PRDM1: variants seen among roughly 807,000 people sequenced by gnomAD.
PRDM1 encodes the protein PR/SET domain 1.
Under a neutral mutation model 62.8 loss-of-function variants are expected in PRDM1, and 13 were observed. The ratio of observed to expected loss-of-function variants is 0.21; its 90% CI spans 0.13 to 0.33. PRDM1 has a LOEUF of 0.33. Ranked by LOEUF, PRDM1 falls within the 10% of genes least tolerant of loss-of-function variation. The probability of loss-of-function intolerance (pLI) is 1.00; values close to 1 mark genes in which losing one functional copy is unlikely to be tolerated. For synonymous variants in PRDM1, 396 were observed against 417.6 expected (o/e 0.95, Z 0.63); for missense variants, 895 against 1,058.8 (o/e 0.85, Z 2.15).
At chr6:106,104,777 C>T (rs759900853) in intron 4 of PRDM1, 48 bp from the exon 5 acceptor site, 1 of 1,539,900 alleles carries the variant, frequency 6.5e-7, no homozygotes, top group East Asian at 2.3e-5. Flanking sequence ...AGTTTTGCTT[C>T]AGTTCTCTCT....
intron 1 of PRDM1, among the ~76,000 whole-genome samples, chr6:106,003,148 C>G (rs62421074): frequency 0.077 from 11,729 of 152,160 alleles, 498 homozygotes; most frequent in African/African-American, 0.12. Flanking sequence ...ATTCACTCAT[C>G]ATACATAAGC....
intron 1 of PRDM1, among the ~76,000 whole-genome samples, chr6:106,052,862 G>A (rs1773201108): frequency 1.3e-5 from 2 of 152,106 alleles, no homozygotes; most frequent in South Asian, 2.1e-4. Flanking sequence ...TAATTACTCA[G>A]GAGGCTGAGG....
chr6:106,035,800 G>T (rs1772918274), intron 1 of PRDM1, among the ~76,000 whole-genome samples: 2 of 151,902 alleles, frequency 1.3e-5, no homozygotes, highest in African/African-American at 2.4e-5. Context: ...TGGGTCATGG[G>T]TCATGTTTTC....
chr6:106,089,855 T>C (rs973833470), intron 2 of PRDM1, among the ~76,000 whole-genome samples: 1 of 152,202 alleles, frequency 6.6e-6, no homozygotes, highest in Non-Finnish European at 1.5e-5. Flanking sequence ...TGACCAAATA[T>C]TCGTCTGTTC....
chr6:106,106,892 T>A lies in PRDM1; in HGVS notation c.1903-19T>A. 6.3e-7 allele frequency: 1 copy of A among 1,592,454 alleles called. No homozygotes were observed. Among genetic ancestry groups the A allele is most frequent in the Non-Finnish European group, 8.6e-7 (1 of 1,164,818 alleles). On this transcript the variant is annotated intron_variant, in intron 6 of 6. Transcript: ENST00000369096. This position sits in a 1 kb window ranked among gnomAD's most constrained non-coding sequence, Gnocchi z 4.4. ...CTTCCTGTCTCCCTTCCCTGCTGTC[T>A]CTCTCCCCTACACTGTAGGTCTGCC...
chr6:106,059,239 G>A (rs1773310019), intron 1 of PRDM1, among the ~76,000 whole-genome samples: 1 of 152,166 alleles, frequency 6.6e-6, no homozygotes, highest in African/African-American at 2.4e-5. Flanking sequence ...AAATAAAACA[G>A]TGTAAGGGAA....
chr6:106,095,686 C>T lies in PRDM1; in HGVS notation c.363C>T (p.Tyr121=), dbSNP rs2114631023. 1 of 1,614,010 alleles carries T rather than the reference C, an allele frequency of 6.2e-7. No homozygotes were observed. The change falls in exon 3 of 7, where the codon TAC becomes TAT. Residue 121 remains tyrosine (Y), a synonymous_variant. Coordinates refer to ENST00000369096, the MANE Select transcript of PRDM1 (RefSeq NM_001198.4). ...TRFGPLIGEI[Y]TNDTVPKNAN... Reference sequence around the variant, plus strand: ...TTGGACCCCTAATAGGTGAAATCTACACCAATGACACAGTTCCTAAGAACG... The same window carrying T: ...TTGGACCCCTAATAGGTGAAATCTATACCAATGACACAGTTCCTAAGAACG...
intron 1 of PRDM1, among the ~76,000 whole-genome samples, chr6:106,017,058 G>T (rs532046081): frequency 2.7e-4 from 41 of 152,280 alleles, no homozygotes; most frequent in African/African-American, 9.6e-4. Flanking sequence ...AAAAAATTAA[G>T]AAAAATGCAT....
intron 1 of PRDM1, among the ~76,000 whole-genome samples, chr6:106,054,184 A>G (rs567833708): frequency 2.7e-4 from 41 of 152,280 alleles, no homozygotes; most frequent in African/African-American, 7.5e-4. Context: ...AAACAAGATC[A>G]TCTCAACATT....
intron 4 of PRDM1, 178 bp downstream of exon 4, chr6:106,099,730 A>G: frequency 1.3e-6 from 1 of 758,304 alleles, no homozygotes; most frequent in Non-Finnish European, 2.1e-6. Flanking sequence ...ACTATTAGGA[A>G]ACTTGATCAT....
intron 1 of PRDM1, among the ~76,000 whole-genome samples, chr6:106,078,991 TACTCTGTCGCC>T (rs1453104247): frequency 6.6e-6 from 1 of 151,892 alleles, no homozygotes; most frequent in Non-Finnish European, 1.5e-5. Context: ...GACAGAGTCT[TACTCTGTCGCC>T]CAGGCTGGAG....
At chr6:106,089,706 C>A (rs547932660) in intron 2 of PRDM1, among the ~76,000 whole-genome samples, 2 of 152,304 alleles carry the variant, frequency 1.3e-5, no homozygotes, top group Admixed American at 1.3e-4. Flanking sequence ...CTTAATTATA[C>A]CTCTTCCTGA....
chr6:106,106,869 TC>T lies in PRDM1; in HGVS notation c.1903-40del. 1 of 1,556,276 alleles carries T rather than the reference TC, an allele frequency of 6.4e-7. No individual in the cohort carries two copies. Among genetic ancestry groups the T allele is most frequent in the African/African-American group, 1.4e-5 (1 of 73,614 alleles). The stretch of plus-strand genomic sequence containing the variant: ...TTGGCAACTCTTAATCTTCTGGCCT[TC>T]CTGTCTCCCTTCCCTGCTGTCTCTC... On this transcript the variant is annotated intron_variant, in intron 6 of 6. Transcript: ENST00000369096. The surrounding 1 kb of genome is among the most constrained non-coding windows in gnomAD (Gnocchi z 4.4).
intron 1 of PRDM1, among the ~76,000 whole-genome samples, chr6:106,030,048 T>C (rs1471574857): frequency 6.6e-6 from 1 of 152,178 alleles, no homozygotes; most frequent in African/African-American, 2.4e-5. Context: ...AGAAAATTGG[T>C]TTATGTTTTC....
chr6:106,047,074 C>T (rs901554244), upstream of PRDM1, among the ~76,000 whole-genome samples: 9 of 152,162 alleles, frequency 5.9e-5, no homozygotes, highest in Middle Eastern at 3.2e-3. Flanking sequence ...TATGATCTTT[C>T]CTTGCTTCTT....
At chr6:106,047,958 G>T (rs1195125420), upstream of PRDM1, among the ~76,000 whole-genome samples, 3 of 152,144 alleles carry the variant, frequency 2.0e-5, no homozygotes, top group Admixed American at 1.3e-4. Flanking sequence ...TGCATATTTG[G>T]CAGTTCTTAA....
Position 106,105,562 on chromosome 6 carries a change from A to C in PRDM1, c.1402A>C (p.Ser468Arg), listed in dbSNP as rs534652948. The change falls in exon 5 of 7, where the codon AGC becomes CGC. Residue 468 changes from serine (S) to arginine (R), a missense_variant. By Grantham distance (110) the Ser-to-Arg change is moderately radical. Around this residue, in one of 4 missense-constraint regions of PRDM1, gnomAD observed 444 missense variants for 422.7 expected, o/e 1.05. Coordinates refer to ENST00000369096, the MANE Select transcript of PRDM1 (RefSeq NM_001198.4). ...HPMLNPTSLP[S>R]SLPSDGARRL... ...CATGCTCAACCCCACTTCTCTCCCG[A>C]GCTCGCTGCCCTCAGATGGAGCCCG... 1.2e-6 allele frequency: 2 copies of C among 1,612,578 alleles called. No individual in the cohort carries two copies. The highest frequency in any genetic ancestry group is 2.2e-5 in the South Asian group (2 of 91,018).
At chr6:106,087,980 C>CTT (rs34001545) in intron 1 of PRDM1, 317 of 141,582 alleles carry the variant, frequency 2.2e-3, no homozygotes, top group African/African-American at 5.2e-3. Context: ...TTGCCACATT[C>CTT]TTTTTTTTTT....
intron 1 of PRDM1, among the ~76,000 whole-genome samples, chr6:106,059,039 G>A (rs1159631806): frequency 6.6e-6 from 1 of 152,132 alleles, no homozygotes; most frequent in African/African-American, 2.4e-5. Flanking sequence ...GTACCTACAT[G>A]TATCAAGCAT....
Sources: allele counts gnomAD v4.1 joint callset (sites outside exome capture counted in the v4.1 genomes callset), GRCh38; gene constraint gnomAD v4.1.1; regional missense constraint gnomAD v4.1.1; non-coding constraint Gnocchi (gnomAD v3.1); transcripts MANE v1.5; gene names NCBI Gene and HGNC (gene_info 2026-07-23, HGNC 2026-07-21).